MBOAT2: variants seen among roughly 807,000 people sequenced by gnomAD.
MBOAT2 encodes membrane-bound glycerophospholipid O-acyltransferase 2.
A neutral mutation model predicts 63.4 loss-of-function variants in MBOAT2; 28 were observed. The ratio of observed to expected loss-of-function variants is 0.44; its 90% confidence interval spans 0.33 to 0.61. The LOEUF is 0.61. MBOAT2 is among the 20% of genes least tolerant of loss of function. The pLI is 0.03. For missense variants in MBOAT2, 470 were observed against 605.8 expected (o/e 0.78, Z 2.35); for synonymous variants, 211 against 215.6 (o/e 0.98, Z 0.19).
chr2:8,968,892 T>A, intron 1 of MBOAT2, among the ~76,000 whole-genome samples: 1 of 152,146 alleles, frequency 6.6e-6, no homozygotes, highest in East Asian at 1.9e-4. Context: ...AAAGACCAAA[T>A]CTACGTCTGA....
At chr2:8,901,328 G>A (rs941846451) in intron 4 of MBOAT2, among the ~76,000 whole-genome samples, 4 of 152,100 alleles carry the variant, frequency 2.6e-5, no homozygotes, top group African/African-American at 7.2e-5. Context: ...GACCAAGGAA[G>A]GTCAGATTTA....
chr2:8,889,060 C>T (rs1420556638), intron 4 of MBOAT2, among the ~76,000 whole-genome samples: 1 of 152,124 alleles, frequency 6.6e-6, no homozygotes, highest in East Asian at 1.9e-4. Context: ...CAGAGGAGAA[C>T]ATGTTTCACG....
At chr2:8,920,596 G>T (rs1408329612) in intron 3 of MBOAT2, among the ~76,000 whole-genome samples, 1 of 150,766 alleles carries the variant, frequency 6.6e-6, no homozygotes, top group Non-Finnish European at 1.5e-5. Flanking sequence ...GTTAGGAATT[G>T]CATTAAATCT....
At chr2:8,963,236 T>TA (rs1669741327) in intron 1 of MBOAT2, among the ~76,000 whole-genome samples, 1 of 122,768 alleles carries the variant, frequency 8.1e-6, no homozygotes. Context: ...AGAGCCTGTC[T>TA]CAAAAAAAAA....
chr2:8,862,337 T>C lies in MBOAT2; in HGVS notation c.1185+253A>G. The C allele has an allele frequency of 7.1e-7, 1 of 1,416,252 alleles. No individual in the cohort carries two copies. The allele number at this position is 1,416,252 out of a possible 1,614,324, so 87.7% of individuals were successfully genotyped here. A position where few individuals can be genotyped will look rare whatever the true frequency, so the allele number is the denominator to read the frequency against. On this transcript the variant is annotated intron_variant, in intron 11 of 12. Coordinates refer to ENST00000305997, the MANE Select transcript of MBOAT2 (RefSeq NM_138799.4). This position sits in a 1 kb window ranked among gnomAD's most constrained non-coding sequence, Gnocchi z 4.3. ...TTCAGAAAATTCTGTAAAGACAAAG[T>C]AACATTTTGTGAGTGCCTCCTACCT...
intron 2 of MBOAT2, among the ~76,000 whole-genome samples, chr2:8,948,170 A>T (rs1372603329): frequency 2.0e-5 from 3 of 152,206 alleles, no homozygotes; most frequent in African/African-American, 7.2e-5. Context: ...ATAGCAAGAA[A>T]ACTAGAAGTG....
chr2:8,928,436 C>T (rs1667082650), intron 3 of MBOAT2, among the ~76,000 whole-genome samples: 1 of 152,136 alleles, frequency 6.6e-6, no homozygotes, highest in African/African-American at 2.4e-5. Context: ...GGGAAGACTA[C>T]AGAGCCAGCT....
chr2:8,947,588 C>A (rs1341255301), intron 2 of MBOAT2, among the ~76,000 whole-genome samples: 1 of 152,202 alleles, frequency 6.6e-6, no homozygotes, highest in Non-Finnish European at 1.5e-5. Flanking sequence ...TGTTCATTTA[C>A]CATTCCAAAA....
intron 3 of MBOAT2, among the ~76,000 whole-genome samples, chr2:8,911,785 G>A (rs1387053044): frequency 6.6e-6 from 1 of 152,106 alleles, no homozygotes; most frequent in Admixed American, 6.5e-5. Flanking sequence ...AGGGGCAGAT[G>A]CTCAATGTTG....
chr2:8,863,672 G>A (rs138150038), intron 10 of MBOAT2, among the ~76,000 whole-genome samples: 23 of 152,268 alleles, frequency 1.5e-4, no homozygotes, highest in African/African-American at 3.9e-4. Context: ...TTACACCACC[G>A]TGTCTTTAAT....
chr2:8,956,905 G>C (rs1480041555), intron 2 of MBOAT2, among the ~76,000 whole-genome samples: 1 of 152,160 alleles, frequency 6.6e-6, no homozygotes, highest in Non-Finnish European at 1.5e-5. Flanking sequence ...TTACACAACT[G>C]TAGGAGATAT....
intron 3 of MBOAT2, among the ~76,000 whole-genome samples, chr2:8,934,480 T>G (rs962636876): frequency 1.3e-5 from 2 of 152,238 alleles, no homozygotes; most frequent in African/African-American, 2.4e-5. Flanking sequence ...TAAGTGCTGT[T>G]GCTAGGATGC....
intron 3 of MBOAT2, among the ~76,000 whole-genome samples, chr2:8,911,892 C>T (rs1336936848): frequency 6.6e-6 from 1 of 152,148 alleles, no homozygotes; most frequent in Non-Finnish European, 1.5e-5. Context: ...CATTAAGACA[C>T]TTTGCCGTCC....
rs2148508860 is a variant in MBOAT2 at position 8,862,701 on chromosome 2, G to A, written c.1074C>T (p.Ser358=). 6.2e-7 allele frequency: 1 copy of A among 1,613,968 alleles called. No individual in the cohort carries two copies. The highest frequency in any genetic ancestry group is 8.5e-7 in the Non-Finnish European group (1 of 1,179,924). The change falls in exon 11 of 13, where the codon TCC becomes TCT. Residue 358 remains serine (S), a synonymous_variant. Coordinates refer to ENST00000305997, the MANE Select transcript of MBOAT2 (RefSeq NM_138799.4). The surrounding 1 kb of genome is among the most constrained non-coding windows in gnomAD (Gnocchi z 4.3). ...WLKRVCYERT[S]FSPTIQTFIL... ...TGAACGTCTGGATAGTTGGACTGAA[G>A]GAGGTTCGTTCATAACACACCCTAG...
In MBOAT2 at chr2:8,977,955, C is replaced by G. The variant is rs978376541; in HGVS notation, c.76-19313G>C. Among the ~76,000 whole-genome samples the G allele has an allele frequency of 3.9e-5, 6 of 152,204 alleles. No individual in the cohort carries two copies. The South Asian group carries it at 1.2e-3, about 32-fold the overall frequency. The stretch of plus-strand genomic sequence containing the variant: ...ATCACAAAGCTGGCCCGGACTCTGT[C>G]TCCACGGCTGCGATGGCTTCTTATC... On this transcript the variant is annotated intron_variant, in intron 1 of 12. Coordinates refer to ENST00000305997, the MANE Select transcript of MBOAT2 (RefSeq NM_138799.4).
At chr2:8,962,103 G>C (rs1405823675) in intron 1 of MBOAT2, among the ~76,000 whole-genome samples, 6 of 152,172 alleles carry the variant, frequency 3.9e-5, no homozygotes, top group Non-Finnish European at 8.8e-5. Context: ...CTGCTCCTCA[G>C]AGGACCCAAG....
chr2:8,974,390 G>C (rs755885439), intron 1 of MBOAT2: 1 of 456,494 alleles, frequency 2.2e-6, no homozygotes, highest in Admixed American at 2.3e-5. Flanking sequence ...AGGTACGTGA[G>C]ACACACGGAA....
At position 8,986,381 on chromosome 2, in the gene MBOAT2, T is replaced by C. The variant is rs986572808; in HGVS notation, c.75+17159A>G. Among the ~76,000 whole-genome samples the C allele has an allele frequency of 7.9e-5, 12 of 151,936 alleles. 1 individual carries two copies. The highest frequency in any genetic ancestry group is 7.2e-4 in the Admixed American group (11 of 15,254). On this transcript the variant is annotated intron_variant, in intron 1 of 12. Transcript: ENST00000305997. ...ACTTGCGAGACCAGCCTGGGCAACA[T>C]AGTGAAATCCCCTCTCTCCAAAAAA... is the stretch of plus-strand genomic sequence containing the variant.
At chr2:8,883,631 TAAAC>T (rs1663313001) in intron 5 of MBOAT2, among the ~76,000 whole-genome samples, 1 of 152,054 alleles carries the variant, frequency 6.6e-6, no homozygotes, top group South Asian at 2.1e-4. Context: ...AGACAGAAGA[TAAAC>T]AAATAAATGA....
Sources: gnomAD v4.1 joint callset for allele counts (sites outside exome capture counted in the v4.1 genomes callset) on GRCh38, gnomAD v4.1.1 for gene constraint, Gnocchi (gnomAD v3.1) non-coding constraint, MANE v1.5 for transcripts, NCBI Gene and HGNC (gene_info 2026-07-23, HGNC 2026-07-21) for gene names.